SLC13A3: variants seen among roughly 807,000 people sequenced by gnomAD.
SLC13A3 encodes the protein solute carrier family 13 member 3.
SLC13A3 carries 40 observed loss-of-function variants against 59.0 expected under a neutral mutation model. The ratio of observed to expected loss-of-function variants is 0.68; its 90% CI spans 0.53 to 0.88. The LOEUF is 0.88. Among genes scored for constraint, SLC13A3 ranks in the 40% least tolerant of loss-of-function variants. SLC13A3 has a pLI of 0.00. For missense variants in SLC13A3, 699 were observed against 783.2 expected, an observed-to-expected ratio of 0.89 and a Z score of 1.28; for synonymous variants, 317 against 330.3, an observed-to-expected ratio of 0.96 and a Z score of 0.44.
chr20:46,563,403 C>T lies in SLC13A3; in HGVS notation c.1632+11G>A. ...ATCCCGGGGCCTCTGCTGGGAAATG[C>T]CCAGACTCACCATGTCTTTGACCAG... is the stretch of plus-strand genomic sequence containing the variant. On this transcript the variant is annotated intron_variant, in intron 12 of 12. Coordinates refer to ENST00000279027, the MANE Select transcript of SLC13A3 (RefSeq NM_022829.6). 6.2e-7 allele frequency: 1 copy of T among 1,612,010 alleles called. No individual in the cohort carries two copies.
At position 46,582,732 on chromosome 20, in the gene SLC13A3, T is replaced by C. The variant is rs556252168; in HGVS notation, c.1219+840A>G. On this transcript the variant is annotated intron_variant, in intron 9 of 12. Transcript: ENST00000279027. Reference sequence around the variant, plus strand: ...CTTCCATGGCTGGGGCTATCCTGAGTGACACTATTTTTCTCAACAATAGAA... The same window carrying C: ...CTTCCATGGCTGGGGCTATCCTGAGCGACACTATTTTTCTCAACAATAGAA... The C allele has an allele frequency of 4.1e-6, 4 of 985,090 alleles. No homozygotes were observed. The East Asian group carries it at 4.6e-4, about 112-fold the overall frequency. The allele number at this position is 985,090 out of a possible 1,614,324, so 61.0% of individuals were successfully genotyped here. A position where few individuals can be genotyped will look rare whatever the true frequency, so the allele number is the denominator to read the frequency against.
Position 46,588,083 on chromosome 20 carries a change from C to A in SLC13A3, c.1097G>T (p.Gly366Val). The A allele has an allele frequency of 1.2e-6, 2 of 1,611,024 alleles. No homozygotes were observed. ...CCCAGGATTGAAGAGGCTGGCCCAG[C>A]CAGGGATGAACTTCGGGTCCCGGGT... Reference protein sequence around the residue: ...LFTRDPKFIPGWASLFNPGFL... With the variant: ...LFTRDPKFIPVWASLFNPGFL... Residue 366 changes from glycine to valine, a missense_variant, in exon 8 of 13, where the codon GGC (glycine) becomes GTC (valine). Coordinates refer to ENST00000279027, the MANE Select transcript of SLC13A3 (RefSeq NM_022829.6).
At chr20:46,670,898 T>C (rs76361894), upstream of SLC13A3, among the ~76,000 whole-genome samples, 1,985 of 152,308 alleles carry the variant, frequency 0.013, 57 homozygotes, top group African/African-American at 0.044. Context: ...CATGAATTCA[T>C]GGAACCACCT....
At chr20:46,585,539 T>A (rs1600520554) in intron 8 of SLC13A3, 1 of 1,033,682 alleles carries the variant, frequency 9.7e-7, no homozygotes, top group African/African-American at 1.7e-5. Flanking sequence ...TAACATGCAA[T>A]AAAATGCACC....
intron 4 of SLC13A3, among the ~76,000 whole-genome samples, chr20:46,598,526 C>A (rs1402782980): frequency 6.6e-6 from 1 of 152,112 alleles, no homozygotes; most frequent in Non-Finnish European, 1.5e-5. Flanking sequence ...TGCAACAGAC[C>A]CAGTGCAAGC....
At chr20:46,669,128 CA>C (rs1450173687) in intron 1 of SLC13A3, among the ~76,000 whole-genome samples, 7 of 152,198 alleles carry the variant, frequency 4.6e-5, no homozygotes, top group Non-Finnish European at 8.8e-5. Context: ...CCCATATCCC[CA>C]CACAAATACT....
At chr20:46,571,870 T>C (rs1053391266) in intron 10 of SLC13A3, among the ~76,000 whole-genome samples, 1 of 151,858 alleles carries the variant, frequency 6.6e-6, no homozygotes, top group African/African-American at 2.4e-5. Flanking sequence ...AAAGGGAAGA[T>C]GCAAAGGCTG....
At chr20:46,683,652 G>T (rs1391533648) in intron 1 of SLC13A3, among the ~76,000 whole-genome samples, 1 of 152,114 alleles carries the variant, frequency 6.6e-6, no homozygotes, top group Admixed American at 6.5e-5. Flanking sequence ...GTAGCAGAGC[G>T]CTATTCTCTT....
chr20:46,566,399 G>A lies in SLC13A3; in HGVS notation c.1333-9C>T. On this transcript the variant is annotated splice_polypyrimidine_tract_variant and intron_variant, in intron 10 of 12. Coordinates refer to ENST00000279027, the MANE Select transcript of SLC13A3 (RefSeq NM_022829.6). ...ACAGACAGCCCCGATTCCTGCGGAG[G>A]GAAAGGCATTCCTTCATACCCCAGC... The A allele has an allele frequency of 6.2e-7, 1 of 1,610,848 alleles. No individual in the cohort carries two copies. Among genetic ancestry groups the A allele is most frequent in the Non-Finnish European group, 8.5e-7 (1 of 1,177,842 alleles).
intron 1 of SLC13A3, among the ~76,000 whole-genome samples, chr20:46,619,694 C>G (rs755894994): frequency 6.6e-6 from 1 of 152,150 alleles, no homozygotes; most frequent in Non-Finnish European, 1.5e-5. Flanking sequence ...ATTCTCTGGG[C>G]CTTTGCACAT....
At chr20:46,627,030 G>A (rs2062681024) in intron 1 of SLC13A3, among the ~76,000 whole-genome samples, 1 of 152,158 alleles carries the variant, frequency 6.6e-6, no homozygotes, top group Admixed American at 6.5e-5. Context: ...CATTCTTGTG[G>A]AGCCACTTAT....
chr20:46,617,596 G>C (rs1389689589), intron 1 of SLC13A3, among the ~76,000 whole-genome samples: 1 of 64,396 alleles, frequency 1.6e-5, no homozygotes, highest in Non-Finnish European at 2.7e-5. Flanking sequence ...ACTTGTGTGT[G>C]TGTGTGTGTG....
intron 1 of SLC13A3, among the ~76,000 whole-genome samples, chr20:46,617,605 TGTGC>T (rs1454123930): frequency 7.2e-5 from 4 of 55,504 alleles, no homozygotes; most frequent in African/African-American, 3.7e-4. Flanking sequence ...TGTGTGTGTG[TGTGC>T]GTGTGTGTGT....
At chr20:46,600,566 C>T (rs2062370280) in intron 3 of SLC13A3, 1 of 449,830 alleles carries the variant, frequency 2.2e-6, no homozygotes, top group Non-Finnish European at 4.7e-6. Flanking sequence ...CTTGACAACC[C>T]ATAACTCAAG....
chr20:46,655,282 T>C (rs879539424), upstream of SLC13A3, among the ~76,000 whole-genome samples: 16 of 150,776 alleles, frequency 1.1e-4, no homozygotes, highest in Non-Finnish European at 2.1e-4. Context: ...TACACATATA[T>C]ACACATATAT....
At chr20:46,659,721 C>CG (rs945866852) in intron 1 of SLC13A3, among the ~76,000 whole-genome samples, 3 of 148,402 alleles carry the variant, frequency 2.0e-5, no homozygotes, top group East Asian at 2.0e-4. Flanking sequence ...ATCCCCCCCC[C>CG]CCAAAAAAAA....
chr20:46,613,298 G>A (rs1450072335), intron 2 of SLC13A3, among the ~76,000 whole-genome samples, 162 bp downstream of exon 2: 4 of 23,226 alleles, frequency 1.7e-4, no homozygotes, highest in South Asian at 1.6e-3. Flanking sequence ...CTAAATAGTA[G>A]AGAAATAAAT....
At chr20:46,570,431 T>C (rs2146088814) in intron 10 of SLC13A3, among the ~76,000 whole-genome samples, 1 of 152,342 alleles carries the variant, frequency 6.6e-6, no homozygotes, top group East Asian at 1.9e-4. Flanking sequence ...AGAAAATGCA[T>C]GTAATACACC....
rs548933791 is a variant in SLC13A3 at position 46,573,568 on chromosome 20, GA to G, written c.1332+2004del. 9.4e-4 allele frequency among the ~76,000 whole-genome samples: 143 copies of G among 152,314 alleles called. 4 individuals are homozygous for G. In the South Asian group the frequency reaches 0.028, roughly 30 times the overall value. ...CTGCTTCCTGAAAGCCCAACCTGTA[GA>G]AACCATGACATGAGGATTTATGAGC... is the stretch of plus-strand genomic sequence containing the variant. On this transcript the variant is annotated intron_variant, in intron 10 of 12. Coordinates refer to ENST00000279027, the MANE Select transcript of SLC13A3 (RefSeq NM_022829.6).
Sources: allele counts gnomAD v4.1 joint callset (sites outside exome capture counted in the v4.1 genomes callset), GRCh38; gene constraint gnomAD v4.1.1; transcripts MANE v1.5; gene names NCBI Gene and HGNC (gene_info 2026-07-23, HGNC 2026-07-21).